The following ASZ1 variants were observed in gnomAD, a reference collection of about 807,000 sequenced individuals.
ASZ1 encodes ankyrin repeat, SAM and basic leucine zipper domain-containing protein 1.
A neutral mutation model predicts 61.8 loss-of-function variants in ASZ1; 67 were observed. The observed-to-expected ratio is 1.08, with a 90% CI of 0.89 to 1.33. The LOEUF (loss-of-function observed/expected upper bound fraction) is 1.33. Ranked by LOEUF, ASZ1 falls within the 40% of genes most tolerant of loss-of-function variation. The pLI is 0.00. For synonymous variants in ASZ1, 193 were observed against 192.7 expected (o/e 1.00, Z -0.01); for missense variants, 577 against 554.5 (o/e 1.04, Z -0.41).
rs749959101 is a variant in ASZ1 at position 117,427,453 on chromosome 7, G to C, written c.8C>G (p.Ala3Gly). Residue 3 changes from alanine to glycine, a missense_variant, in exon 1 of 13, where the codon GCG becomes GGG. Physicochemically the swap from Ala to Gly is moderately conservative, Grantham distance 60 (BLOSUM62 0). Transcript: ENST00000284629. ...CACTGGCAGGCCTCGCAGCGCGCTC[G>C]CCGCCATGCCAGCCAAGGAAGCTCC... MA[A>G]SALRGLPVAG... 15 of 1,613,602 alleles carry C rather than the reference G, an allele frequency of 9.3e-6. No homozygotes were observed. In the Admixed American group the frequency reaches 2.3e-4, roughly 25 times the overall value.
intron 4 of ASZ1, among the ~76,000 whole-genome samples, chr7:117,419,581 AAGAT>A (rs1372788673): frequency 6.6e-6 from 1 of 152,226 alleles, no homozygotes; most frequent in Non-Finnish European, 1.5e-5. Context: ...GATGAAATAG[AAGAT>A]AGAGTCAGAA....
intron 12 of ASZ1, among the ~76,000 whole-genome samples, chr7:117,366,705 C>T (rs916267524): frequency 1.3e-5 from 2 of 151,834 alleles, no homozygotes; most frequent in African/African-American, 4.8e-5. Context: ...AGTCCATACT[C>T]TTTAGAAAAC....
intron 4 of ASZ1, among the ~76,000 whole-genome samples, chr7:117,403,912 C>T (rs1796727950): frequency 6.6e-6 from 1 of 152,158 alleles, no homozygotes; most frequent in Admixed American, 6.5e-5. Context: ...AGTACGAACC[C>T]TATTGTGAAC....
chr7:117,419,102 G>C (rs1021288306), intron 4 of ASZ1, among the ~76,000 whole-genome samples: 4 of 151,974 alleles, frequency 2.6e-5, no homozygotes, highest in African/African-American at 9.7e-5. Flanking sequence ...GACATTTGGG[G>C]ATTTGTAATT....
intron 10 of ASZ1, among the ~76,000 whole-genome samples, chr7:117,379,146 T>C (rs936195514): frequency 1.8e-5 from 2 of 112,790 alleles, no homozygotes; most frequent in East Asian, 3.5e-4. Flanking sequence ...TATATATATA[T>C]ATATATATAT....
chr7:117,390,729 AGCCT>A (rs1796449314), intron 4 of ASZ1, among the ~76,000 whole-genome samples: 1 of 152,122 alleles, frequency 6.6e-6, no homozygotes, highest in Non-Finnish European at 1.5e-5. Context: ...TTTGAGAAGA[AGCCT>A]CACTCTGTCA....
intron 4 of ASZ1, among the ~76,000 whole-genome samples, chr7:117,407,451 A>C (rs1796807070): frequency 6.6e-6 from 1 of 152,122 alleles, no homozygotes; most frequent in Non-Finnish European, 1.5e-5. Flanking sequence ...TGCTTTATCC[A>C]TGGGGGATAT....
intron 3 of ASZ1, among the ~76,000 whole-genome samples, chr7:117,420,497 C>T (rs1321833113): frequency 6.6e-6 from 1 of 152,182 alleles, no homozygotes; most frequent in Non-Finnish European, 1.5e-5. Context: ...TAACTTCCTT[C>T]CCCTCTTACT....
chr7:117,367,348 A>G lies in ASZ1; in HGVS notation c.1275+4T>C. 1 of 1,515,026 alleles carries G rather than the reference A, an allele frequency of 6.6e-7. No individual in the cohort carries two copies. The highest frequency in any genetic ancestry group is 8.8e-7 in the Non-Finnish European group (1 of 1,132,856). The allele number at this position is 1,515,026 out of a possible 1,614,324, so 93.8% of individuals were successfully genotyped here. A position where few individuals can be genotyped will look rare whatever the true frequency, so the allele number is the denominator to read the frequency against. On this transcript the variant is annotated splice_donor_region_variant and intron_variant, in intron 12 of 12. Transcript: ENST00000284629. ...TTCCCCTCCTTTTAATGTTAAATAT[A>G]TACCTTTTGAATTAGGTCTTTTAGT...
intron 4 of ASZ1, among the ~76,000 whole-genome samples, chr7:117,397,980 G>A (rs1295329409): frequency 6.6e-6 from 1 of 152,200 alleles, no homozygotes; most frequent in African/African-American, 2.4e-5. Flanking sequence ...GTAGCCAATA[G>A]GGACCTCAAA....
At chr7:117,417,614 CT>C (rs1797021349) in intron 4 of ASZ1, among the ~76,000 whole-genome samples, 1 of 152,164 alleles carries the variant, frequency 6.6e-6, no homozygotes, top group Admixed American at 6.5e-5. Flanking sequence ...ACCATGTCCC[CT>C]AATGCTATCC....
intron 4 of ASZ1, among the ~76,000 whole-genome samples, chr7:117,405,401 C>T (rs1044935294): frequency 3.9e-5 from 6 of 152,236 alleles, no homozygotes; most frequent in Non-Finnish European, 7.3e-5. Context: ...GCAGTGACCT[C>T]AGCCTCCACG....
At chr7:117,407,977 G>A (rs73213827) in intron 4 of ASZ1, among the ~76,000 whole-genome samples, 7,800 of 152,272 alleles carry the variant, frequency 0.051, 310 homozygotes, top group Non-Finnish European at 0.082. Flanking sequence ...AGGTGGGAAG[G>A]AGAGGGATGG....
intron 3 of ASZ1, 136 bp downstream of exon 3, chr7:117,422,101 G>GTA (rs1222168765): frequency 2.9e-5 from 26 of 887,608 alleles, no homozygotes; most frequent in Non-Finnish European, 4.0e-5. Flanking sequence ...ATTTGATTTT[G>GTA]TATATTATTT....
chr7:117,409,299 T>A (rs1796849762), intron 4 of ASZ1, among the ~76,000 whole-genome samples: 2 of 151,908 alleles, frequency 1.3e-5, no homozygotes, highest in African/African-American at 2.4e-5. Flanking sequence ...ACAGCTCTAA[T>A]AAGAACAGGT....
At chr7:117,385,356 T>C (rs530939418) in intron 5 of ASZ1, among the ~76,000 whole-genome samples, 141 of 151,982 alleles carry the variant, frequency 9.3e-4, no homozygotes, top group South Asian at 4.2e-4. Context: ...GCCTCTTGGG[T>C]TCAAGCGATT....
chr7:117,419,375 T>C (rs1406819068), intron 4 of ASZ1, among the ~76,000 whole-genome samples: 1 of 152,202 alleles, frequency 6.6e-6, no homozygotes, highest in Non-Finnish European at 1.5e-5. Flanking sequence ...CCAGGTATCA[T>C]AGAAACTGAA....
At chr7:117,415,917 G>A (rs1341359317) in intron 4 of ASZ1, among the ~76,000 whole-genome samples, 2 of 152,164 alleles carry the variant, frequency 1.3e-5, no homozygotes, top group Non-Finnish European at 2.9e-5. Flanking sequence ...TGGGCCAGGC[G>A]CAGTGACTCA....
At position 117,363,728 on chromosome 7, in the gene ASZ1, AT is replaced by A; in HGVS notation, c.1295del (p.Asn432MetfsTer8). ...LIQKLQNERE[N>X]DPTHIQLREE... ...CCCTTAATTGTATATGAGTTGGATC[AT>A]TTTCCCGTTCATTTTGCAACTAATA... On this transcript the variant is annotated frameshift_variant, in exon 13 of 13. Coordinates refer to ENST00000284629, the MANE Select transcript of ASZ1 (RefSeq NM_130768.3). LOFTEE classifies it high-confidence loss of function. 2 of 1,579,516 alleles carry A rather than the reference AT, an allele frequency of 1.3e-6. No individual in the cohort carries two copies. The highest frequency in any genetic ancestry group is 1.2e-5 in the South Asian group (1 of 84,098).
Sources: gnomAD v4.1 joint callset for allele counts (sites outside exome capture counted in the v4.1 genomes callset) on GRCh38, gnomAD v4.1.1 for gene constraint, MANE v1.5 for transcripts, NCBI Gene and HGNC (gene_info 2026-07-23, HGNC 2026-07-21) for gene names.